PPARGC1A: variants seen among roughly 807,000 people sequenced by gnomAD.
PPARGC1A encodes PPARG coactivator 1 alpha.
In PPARGC1A, 25 loss-of-function variants were observed where a neutral mutation model predicts 88.7. That is an observed-to-expected ratio of 0.28 (90% CI 0.21 to 0.39). The LOEUF is 0.39. Among genes scored for constraint, PPARGC1A ranks in the 10% least tolerant of loss-of-function variants. The probability of loss-of-function intolerance (pLI) is 1.00; values close to 1 mark genes in which losing one functional copy is unlikely to be tolerated. For synonymous variants in PPARGC1A, 363 were observed against 355.6 expected, an observed-to-expected ratio of 1.02 and a Z score of -0.24; for missense variants, 880 against 968.7, an observed-to-expected ratio of 0.91 and a Z score of 1.22.
the PPARGC1A span, among the ~76,000 whole-genome samples, chr4:24,238,276 T>A: frequency 3.9e-5 from 6 of 152,222 alleles, no homozygotes; most frequent in African/African-American, 1.4e-4. Context: ...TATCCACACA[T>A]GTAAATGCAT....
At chr4:24,333,724 A>G in the PPARGC1A span, among the ~76,000 whole-genome samples, 9 of 152,162 alleles carry the variant, frequency 5.9e-5, no homozygotes, top group East Asian at 1.7e-3. Flanking sequence ...ACCTGAGGTC[A>G]TGAGTTCAAG....
Position 23,812,647 on chromosome 4 carries a change from A to C in PPARGC1A, c.2019+100T>G, listed in dbSNP as rs1721129760. The C allele has an allele frequency of 3.2e-5, 50 of 1,562,548 alleles. No homozygotes were observed. In the South Asian group the frequency reaches 6.0e-4, roughly 19 times the overall value. On this transcript the variant is annotated intron_variant, in intron 10 of 12. Transcript: ENST00000264867. ...GGCTGAAAATGGCCTGTTCTAACAA[A>C]GACTTAGCTTTTGTTTATTTTCTAA...
chr4:24,467,720 A>G, the PPARGC1A span, among the ~76,000 whole-genome samples: 1 of 152,144 alleles, frequency 6.6e-6, no homozygotes, highest in Non-Finnish European at 1.5e-5. Flanking sequence ...ACGTCCATTA[A>G]TGATTCTGCA....
the PPARGC1A span, among the ~76,000 whole-genome samples, chr4:24,046,426 C>T: frequency 1.8e-4 from 27 of 152,294 alleles, no homozygotes; most frequent in Middle Eastern, 3.4e-3. Context: ...TCCCCACTCC[C>T]ACTACCACTT....
chr4:24,131,999 A>G, the PPARGC1A span, among the ~76,000 whole-genome samples: 1 of 152,224 alleles, frequency 6.6e-6, no homozygotes, highest in Non-Finnish European at 1.5e-5. Context: ...AACATGGCCT[A>G]GTGCAGGCTT....
chr4:24,077,346 T>C, the PPARGC1A span, among the ~76,000 whole-genome samples: 1 of 152,116 alleles, frequency 6.6e-6, no homozygotes, highest in South Asian at 2.1e-4. Flanking sequence ...TTTATTCCAT[T>C]CCAAAATTTG....
the PPARGC1A span, among the ~76,000 whole-genome samples, chr4:24,164,291 T>A: frequency 6.6e-6 from 1 of 151,236 alleles, no homozygotes; most frequent in African/African-American, 2.4e-5. Flanking sequence ...CATCAGTTGC[T>A]GGGACAGAGC....
the PPARGC1A span, among the ~76,000 whole-genome samples, chr4:24,050,601 T>C: frequency 2.0e-5 from 3 of 152,182 alleles, no homozygotes; most frequent in African/African-American, 7.2e-5. Flanking sequence ...GATTGCTAGT[T>C]AATTCTCTCA....
At chr4:24,023,048 G>A in the PPARGC1A span, among the ~76,000 whole-genome samples, 1 of 152,042 alleles carries the variant, frequency 6.6e-6, no homozygotes, top group African/African-American at 2.4e-5. Flanking sequence ...ATAATGTACT[G>A]TTAATTTCTC....
the PPARGC1A span, among the ~76,000 whole-genome samples, chr4:24,404,267 A>AAT: frequency 2.6e-5 from 4 of 151,814 alleles, no homozygotes; most frequent in Non-Finnish European, 4.4e-5. Context: ...CATCTCAAAA[A>AAT]ATATATATAT....
At chr4:24,017,580 T>C in the PPARGC1A span, among the ~76,000 whole-genome samples, 1 of 152,022 alleles carries the variant, frequency 6.6e-6, no homozygotes, top group Non-Finnish European at 1.5e-5. Flanking sequence ...AGAGAGAAAT[T>C]AAGGCAGAAA....
At chr4:24,462,811 C>G in the PPARGC1A span, among the ~76,000 whole-genome samples, 3 of 151,208 alleles carry the variant, frequency 2.0e-5, no homozygotes, top group Non-Finnish European at 2.9e-5. Context: ...TGAGGAATGA[C>G]TGGTGAGAGC....
chr4:24,024,270 C>A, the PPARGC1A span, among the ~76,000 whole-genome samples: 1 of 152,192 alleles, frequency 6.6e-6, no homozygotes. Flanking sequence ...TCCCCATGAG[C>A]ACACTTCACA....
At chr4:23,924,375 C>T in the PPARGC1A span, among the ~76,000 whole-genome samples, 11 of 152,286 alleles carry the variant, frequency 7.2e-5, no homozygotes, top group African/African-American at 2.2e-4. Context: ...TGTCTGTAAT[C>T]CTAGCACTTC....
the PPARGC1A span, among the ~76,000 whole-genome samples, chr4:24,006,159 A>G: frequency 6.6e-6 from 1 of 152,060 alleles, no homozygotes; most frequent in East Asian, 1.9e-4. Context: ...AGCAATTATC[A>G]TGCCTCAGCC....
the PPARGC1A span, among the ~76,000 whole-genome samples, chr4:24,334,641 TTTG>T: frequency 2.0e-5 from 3 of 152,206 alleles, no homozygotes; most frequent in African/African-American, 7.2e-5. Flanking sequence ...TTTTGTTTTG[TTTG>T]TTAATTACTG....
the PPARGC1A span, among the ~76,000 whole-genome samples, chr4:24,004,194 C>G: frequency 6.6e-6 from 1 of 152,130 alleles, no homozygotes; most frequent in South Asian, 2.1e-4. Flanking sequence ...CGAACACAGG[C>G]AAGTCTCTGG....
the PPARGC1A span, among the ~76,000 whole-genome samples, chr4:24,047,990 A>G: frequency 6.6e-6 from 1 of 152,208 alleles, no homozygotes; most frequent in Non-Finnish European, 1.5e-5. Context: ...ATGGGCAAAT[A>G]TATATCTCCA....
the PPARGC1A span, among the ~76,000 whole-genome samples, chr4:23,990,985 CAATCAAACTATCCTCATAAG>C: frequency 0.37 from 56,603 of 151,648 alleles, 11,201 homozygotes; most frequent in Non-Finnish European, 0.46. Context: ...TTGGAAGCTG[CAATCAAACTATCCTCATAAG>C]TAGAAGACAT....
Sources: gnomAD v4.1 joint callset for allele counts (sites outside exome capture counted in the v4.1 genomes callset) on GRCh38, gnomAD v4.1.1 for gene constraint, MANE v1.5 for transcripts, NCBI Gene and HGNC (gene_info 2026-07-23, HGNC 2026-07-21) for gene names.